The following POC1B variants were observed in gnomAD, a reference collection of about 807,000 sequenced individuals.
POC1B encodes the protein POC1 centriolar protein homolog B.
POC1B carries 44 observed loss-of-function variants against 60.6 expected under a neutral mutation model. That is an observed-to-expected ratio of 0.73 (90% CI 0.57 to 0.93). The LOEUF (loss-of-function observed/expected upper bound fraction) is 0.93, where lower values mean the gene tolerates loss of function less well. Among genes scored for constraint, POC1B ranks in the 40% least tolerant of loss-of-function variants. The pLI is 0.00. For missense variants in POC1B, 555 were observed against 572.3 expected, an observed-to-expected ratio of 0.97 and a Z score of 0.31; for synonymous variants, 180 against 198.9, an observed-to-expected ratio of 0.90 and a Z score of 0.80.
intron 10 of POC1B, chr12:89,429,221 A>G (rs1438603796): frequency 6.6e-6 from 1 of 152,208 alleles, no homozygotes; most frequent in Non-Finnish European, 1.5e-5. Flanking sequence ...AAAAGGGAAA[A>G]GCATATGTGC....
chr12:89,456,576 G>A (rs567831328), intron 10 of POC1B, among the ~76,000 whole-genome samples: 1 of 152,184 alleles, frequency 6.6e-6, no homozygotes, highest in East Asian at 1.9e-4. Context: ...AAAGAATAAA[G>A]AGTAAGGAAT....
In POC1B at chr12:89,497,292, C is replaced by G; in HGVS notation, c.151G>C (p.Ala51Pro). Residue 51 changes from alanine to proline, a missense_variant, in exon 3 of 12, where the codon GCT (alanine) becomes CCT (proline). Ala to Pro is a conservative substitution (Grantham distance 27). Coordinates refer to ENST00000313546, the MANE Select transcript of POC1B (RefSeq NM_172240.3). ...TGACCCACATATCTGTAAGCTCTAGCATGTGGCTTGAAATTCCATAGCATG... is the reference window on the plus strand; with the variant it reads ...TGACCCACATATCTGTAAGCTCTAGGATGTGGCTTGAAATTCCATAGCATG... Reference protein sequence around the residue: ...FLMLWNFKPHARAYRYVGHKD... With the variant: ...FLMLWNFKPHPRAYRYVGHKD... The G allele has an allele frequency of 6.2e-7, 1 of 1,613,036 alleles. No individual in the cohort carries two copies.
chr12:89,486,977 G>T (rs991870935), intron 4 of POC1B, among the ~76,000 whole-genome samples: 1 of 151,944 alleles, frequency 6.6e-6, no homozygotes, highest in Non-Finnish European at 1.5e-5. Context: ...AGGTATGGCT[G>T]TATCCAGAAA....
intron 4 of POC1B, among the ~76,000 whole-genome samples, chr12:89,474,836 G>T (rs1883043460): frequency 6.6e-6 from 1 of 152,190 alleles, no homozygotes; most frequent in Non-Finnish European, 1.5e-5. Context: ...AGGCAGTGCT[G>T]TTAGGAGGCT....
intron 2 of POC1B, among the ~76,000 whole-genome samples, chr12:89,507,682 T>C (rs1869971339): frequency 6.6e-6 from 1 of 152,238 alleles, no homozygotes; most frequent in Admixed American, 6.5e-5. Flanking sequence ...CATGCTTACC[T>C]AGGTCAGTGC....
In POC1B at chr12:89,452,167, G is replaced by C. The variant is rs148203081; in HGVS notation, c.1113+7471C>G. Reference sequence around the variant, plus strand: ...CTGTCGGGCATTTTCAGCATGCCTCGGTCTCAGCTGTGGGAACTGGGGATG... The same window carrying C: ...CTGTCGGGCATTTTCAGCATGCCTCCGTCTCAGCTGTGGGAACTGGGGATG... On this transcript the variant is annotated intron_variant, in intron 10 of 11. Coordinates refer to ENST00000313546, the MANE Select transcript of POC1B (RefSeq NM_172240.3). 4.9e-4 allele frequency among the ~76,000 whole-genome samples: 74 copies of C among 152,206 alleles called. No individual in the cohort carries two copies. The East Asian group carries it at 0.012, about 24-fold the overall frequency.
chr12:89,510,943 C>A (rs1870153545), intron 2 of POC1B, among the ~76,000 whole-genome samples: 1 of 151,630 alleles, frequency 6.6e-6, no homozygotes, highest in East Asian at 2.0e-4. Flanking sequence ...TTAGTACAGA[C>A]AGGGTTTCAC....
At chr12:89,480,125 G>A (rs1217316187) in intron 4 of POC1B, among the ~76,000 whole-genome samples, 2 of 149,782 alleles carry the variant, frequency 1.3e-5, no homozygotes, top group African/African-American at 4.9e-5. Context: ...AAACTGGTTG[G>A]ACAAGTTTCT....
downstream of POC1B, among the ~76,000 whole-genome samples, chr12:89,415,197 T>C (rs1592784774): frequency 1.3e-5 from 2 of 152,368 alleles, no homozygotes. Context: ...TCATTCTTTT[T>C]GTTAAATTTT....
chr12:89,497,135 T>A, intron 3 of POC1B, 36 bp downstream of exon 3: 1 of 1,595,088 alleles, frequency 6.3e-7, no homozygotes, highest in African/African-American at 1.3e-5. Flanking sequence ...CATTTCCAAA[T>A]CCAAAGGATA....
intron 10 of POC1B, among the ~76,000 whole-genome samples, chr12:89,439,122 G>T (rs1881403367): frequency 6.6e-6 from 1 of 152,092 alleles, no homozygotes; most frequent in Non-Finnish European, 1.5e-5. Context: ...TTTTTGTCTG[G>T]ACTACTGACT....
intron 4 of POC1B, among the ~76,000 whole-genome samples, chr12:89,482,060 A>C (rs1868381324): frequency 2.0e-5 from 3 of 152,374 alleles, no homozygotes; most frequent in African/African-American, 7.2e-5. Context: ...TTAAAAAATC[A>C]CAGGACATAT....
At position 89,425,391 on chromosome 12, in the gene POC1B, C is replaced by T; in HGVS notation, c.1114-12G>A. ...CTGGTTTCTGTTGTCTTTAATGTCA[C>T]AGAAAATGTAGGAAGAGTTATATTT... On this transcript the variant is annotated splice_polypyrimidine_tract_variant and intron_variant, in intron 10 of 11. Coordinates refer to ENST00000313546, the MANE Select transcript of POC1B (RefSeq NM_172240.3). The T allele has an allele frequency of 1.3e-6, 2 of 1,597,514 alleles. No individual in the cohort carries two copies. Among genetic ancestry groups the T allele is most frequent in the East Asian group, 2.2e-5 (1 of 44,754 alleles).
chr12:89,500,134 A>G, intron 2 of POC1B: 2 of 1,533,942 alleles, frequency 1.3e-6, no homozygotes, highest in Non-Finnish European at 1.8e-6. Flanking sequence ...ATGGCTACAG[A>G]AGAAGATTTT....
chr12:89,523,970 C>A, intron 2 of POC1B: 1 of 1,613,854 alleles, frequency 6.2e-7, no homozygotes, highest in South Asian at 1.1e-5. Context: ...CGTACTCTAT[C>A]AAGATTGCTG....
intron 4 of POC1B, among the ~76,000 whole-genome samples, chr12:89,483,544 T>C (rs1165824855): frequency 6.6e-6 from 1 of 152,130 alleles, no homozygotes; most frequent in Non-Finnish European, 1.5e-5. Context: ...ATAAATCCCA[T>C]TCATGAAGGG....
chr12:89,416,344 A>G (rs996091657), downstream of POC1B, among the ~76,000 whole-genome samples: 1 of 152,192 alleles, frequency 6.6e-6, no homozygotes, highest in African/African-American at 2.4e-5. Flanking sequence ...GGTGACAGGG[A>G]AAAAGCATGC....
chr12:89,513,020 T>C (rs1285708713), intron 2 of POC1B, among the ~76,000 whole-genome samples: 1 of 152,148 alleles, frequency 6.6e-6, no homozygotes, highest in Non-Finnish European at 1.5e-5. Context: ...TTCTAGTAAA[T>C]TATACATTAT....
At position 89,472,273 on chromosome 12, in the gene POC1B, A is replaced by T; in HGVS notation, c.455T>A (p.Phe152Tyr). Residue 152 changes from phenylalanine (F) to tyrosine (Y), a missense_variant and splice_region_variant, in exon 5 of 12, where the codon TTT becomes TAT. Coordinates refer to ENST00000313546, the MANE Select transcript of POC1B (RefSeq NM_172240.3). ...RHTHWVRCAK[F>Y]SPDGRLIVSC... ...CACAATTAGTCTTCCATCGGGTGAA[A>T]ATCTAGAAAGAAGAAGAAAGAAGAT... 6.5e-7 allele frequency: 1 copy of T among 1,540,360 alleles called. No homozygotes were observed. Among genetic ancestry groups the T allele is most frequent in the Admixed American group, 1.8e-5 (1 of 55,776 alleles).
Sources: allele counts gnomAD v4.1 joint callset (sites outside exome capture counted in the v4.1 genomes callset), GRCh38; gene constraint gnomAD v4.1.1; transcripts MANE v1.5; gene names NCBI Gene and HGNC (gene_info 2026-07-23, HGNC 2026-07-21).